DPP10: variants seen among roughly 807,000 people sequenced by gnomAD.
The protein encoded by DPP10 is dipeptidyl peptidase like 10, also known as inactive dipeptidyl peptidase 10.
In DPP10, 33 loss-of-function variants were observed where a neutral mutation model predicts 120.9. The observed-to-expected ratio is 0.27, with a 90% confidence interval of 0.21 to 0.37. The LOEUF (loss-of-function observed/expected upper bound fraction) is 0.37, where lower values mean the gene tolerates loss of function less well. DPP10 is among the 10% of genes least tolerant of loss of function. DPP10 has a pLI of 1.00. For missense variants in DPP10, 816 were observed against 942.8 expected, an observed-to-expected ratio of 0.87 and a Z score of 1.76; for synonymous variants, 337 against 326.1, an observed-to-expected ratio of 1.03 and a Z score of -0.36.
chr2:115,370,449 G>T (rs2065336021), intron 3 of DPP10, among the ~76,000 whole-genome samples: 1 of 151,980 alleles, frequency 6.6e-6, no homozygotes, highest in African/African-American at 2.4e-5. Context: ...ATAAGTAAAG[G>T]CCTGGAGAAA....
intron 1 of DPP10, among the ~76,000 whole-genome samples, chr2:115,119,453 T>A (rs754910101): frequency 7.2e-5 from 11 of 152,240 alleles, no homozygotes; most frequent in Non-Finnish European, 1.2e-4. Flanking sequence ...CACCTGACAT[T>A]CCAGATGGGG....
chr2:114,998,440 A>G (rs1336726291), intron 1 of DPP10, among the ~76,000 whole-genome samples: 1 of 152,184 alleles, frequency 6.6e-6, no homozygotes, highest in African/African-American at 2.4e-5. Flanking sequence ...TTTAGTTGCA[A>G]GTAATAATTT....
intron 1 of DPP10, among the ~76,000 whole-genome samples, chr2:114,959,470 T>C (rs1410280062): frequency 1.3e-5 from 2 of 152,228 alleles, no homozygotes; most frequent in East Asian, 3.8e-4. Flanking sequence ...TACTCATTCA[T>C]CAGCTGATGA....
chr2:115,447,078 G>A (rs1429991831), intron 3 of DPP10, among the ~76,000 whole-genome samples: 1 of 152,158 alleles, frequency 6.6e-6, no homozygotes, highest in Admixed American at 6.5e-5. Context: ...CAAAGCCACA[G>A]TGGTGGATCT....
intron 1 of DPP10, among the ~76,000 whole-genome samples, chr2:114,564,268 G>A (rs1313453794): frequency 1.3e-5 from 2 of 151,862 alleles, no homozygotes; most frequent in African/African-American, 2.4e-5. Context: ...TATTCACTAG[G>A]CCCCTTCTCT....
intron 1 of DPP10, among the ~76,000 whole-genome samples, chr2:115,190,975 G>A (rs560002174): frequency 6.6e-5 from 10 of 152,290 alleles, no homozygotes; most frequent in African/African-American, 2.2e-4. Flanking sequence ...TTTGGTTAGC[G>A]GAGAACTCAG....
At chr2:115,560,445 T>TATAC (rs1359773531) in intron 5 of DPP10, among the ~76,000 whole-genome samples, 4 of 86,250 alleles carry the variant, frequency 4.6e-5, no homozygotes, top group Admixed American at 1.6e-4. Flanking sequence ...TATATATATA[T>TATAC]ACGACAAGCT....
At chr2:114,479,292 C>T (rs1311218872) in intron 1 of DPP10, among the ~76,000 whole-genome samples, 1 of 151,688 alleles carries the variant, frequency 6.6e-6, no homozygotes, top group Non-Finnish European at 1.5e-5. Context: ...CTAAAACCAT[C>T]TTGAAAAAGA....
At chr2:115,727,232 C>G (rs557253743) in intron 7 of DPP10, among the ~76,000 whole-genome samples, 1 of 151,704 alleles carries the variant, frequency 6.6e-6, no homozygotes, top group Non-Finnish European at 1.5e-5. Context: ...TATTGCCGTA[C>G]TATTTACAAA....
intron 1 of DPP10, among the ~76,000 whole-genome samples, chr2:115,040,380 A>G (rs1309955574): frequency 6.6e-6 from 1 of 152,134 alleles, no homozygotes; most frequent in Non-Finnish European, 1.5e-5. Flanking sequence ...ACCTTTTTCT[A>G]GAAAAAAATA....
chr2:115,074,354 A>G (rs973291087), intron 1 of DPP10, among the ~76,000 whole-genome samples: 3 of 152,160 alleles, frequency 2.0e-5, no homozygotes, highest in African/African-American at 7.2e-5. Context: ...TTTTGTCTTA[A>G]TATGTGATGC....
intron 1 of DPP10, among the ~76,000 whole-genome samples, chr2:115,223,566 A>G (rs2057287369): frequency 6.6e-6 from 1 of 152,168 alleles, no homozygotes; most frequent in Non-Finnish European, 1.5e-5. Flanking sequence ...GTTCAGGATA[A>G]TGTGAGTGTA....
At chr2:115,022,345 AG>A (rs1703138459) in intron 1 of DPP10, among the ~76,000 whole-genome samples, 1 of 152,002 alleles carries the variant, frequency 6.6e-6, no homozygotes, top group Non-Finnish European at 1.5e-5. Context: ...TACGCGAATC[AG>A]TAGCTCTTCT....
In DPP10 at chr2:115,096,840, C is replaced by T. The variant is rs572598516; in HGVS notation, c.61-212399C>T. On this transcript the variant is annotated intron_variant, in intron 1 of 25. Transcript: ENST00000410059. ...CAAATTTGTTATTTATTTGTCGTAA[C>T]AGTTCGTCTCAGATGTGATAGATAC... 3.3e-5 allele frequency among the ~76,000 whole-genome samples: 5 copies of T among 152,210 alleles called. No homozygotes were observed. In the South Asian group the frequency reaches 8.3e-4, roughly 25 times the overall value.
intron 1 of DPP10, among the ~76,000 whole-genome samples, chr2:114,798,494 A>G (rs1005204861): frequency 2.0e-5 from 3 of 152,140 alleles, no homozygotes; most frequent in African/African-American, 7.2e-5. Flanking sequence ...AAAAAAATCA[A>G]TTTGTTTATT....
intron 12 of DPP10, among the ~76,000 whole-genome samples, chr2:115,764,868 T>C: frequency 6.6e-6 from 1 of 152,250 alleles, no homozygotes; most frequent in Non-Finnish European, 1.5e-5. Flanking sequence ...AAGATAATTA[T>C]AAATTTAATA....
intron 4 of DPP10, among the ~76,000 whole-genome samples, chr2:115,500,741 C>T (rs531018681): frequency 1.3e-5 from 2 of 151,988 alleles, no homozygotes; most frequent in South Asian, 4.1e-4. Flanking sequence ...TTATGGTACT[C>T]GTGGGATGTC....
At chr2:114,611,270 A>T (rs785037) in intron 1 of DPP10, among the ~76,000 whole-genome samples, 22,895 of 152,178 alleles carry the variant, frequency 0.15, 2,893 homozygotes, top group African/African-American at 0.35. Flanking sequence ...CAGAAAAGGA[A>T]GACAACATGA....
At chr2:115,739,709 T>C in intron 8 of DPP10, 30 bp from the exon 9 acceptor site, 1 of 1,609,350 alleles carries the variant, frequency 6.2e-7, no homozygotes, top group Non-Finnish European at 8.5e-7. Context: ...ATCTCTACAG[T>C]TGGTCTCAAA....
Sources: gnomAD v4.1 joint callset for allele counts (sites outside exome capture counted in the v4.1 genomes callset) on GRCh38, gnomAD v4.1.1 for gene constraint, MANE v1.5 for transcripts, NCBI Gene and HGNC (gene_info 2026-07-23, HGNC 2026-07-21) for gene names.